The following C1orf87 variants were observed in gnomAD, a reference collection of about 807,000 sequenced individuals.
C1orf87 encodes chromosome 1 open reading frame 87.
In C1orf87, 58 loss-of-function variants were observed where a neutral mutation model predicts 60.5. That is an observed-to-expected ratio of 0.96 (90% confidence interval 0.78 to 1.19). The LOEUF (loss-of-function observed/expected upper bound fraction) is 1.19, where lower values mean the gene tolerates loss of function less well. Ranked by LOEUF, C1orf87 falls within the 50% of genes most tolerant of loss-of-function variation. C1orf87 has a pLI of 0.00. For missense variants in C1orf87, 673 were observed against 638.6 expected, an observed-to-expected ratio of 1.05 and a Z score of -0.58; for synonymous variants, 236 against 227.4, an observed-to-expected ratio of 1.04 and a Z score of -0.34.
At chr1:60,055,114 T>G in intron 3 of C1orf87, 90 bp downstream of exon 3, 1 of 1,133,990 alleles carries the variant, frequency 8.8e-7, no homozygotes, top group Non-Finnish European at 1.3e-6. Context: ...AATGAACATT[T>G]GTACAGTGTG....
At chr1:60,053,378 A>T (rs1271399617) in intron 3 of C1orf87, among the ~76,000 whole-genome samples, 2 of 152,170 alleles carry the variant, frequency 1.3e-5, no homozygotes, top group Admixed American at 1.3e-4. Flanking sequence ...CAGCTCCCTT[A>T]AACATGAACT....
chr1:60,047,542 T>C (rs1369655041), intron 3 of C1orf87, among the ~76,000 whole-genome samples: 2 of 152,204 alleles, frequency 1.3e-5, no homozygotes. Flanking sequence ...ATAATGCAGA[T>C]GCAAGGCTAC....
chr1:60,037,892 T>C (rs1287831412), intron 6 of C1orf87, 100 bp downstream of exon 6: 4 of 643,438 alleles, frequency 6.2e-6, no homozygotes, highest in Non-Finnish European at 1.0e-5. Flanking sequence ...CATACATTTA[T>C]ATTCTTTATA....
chr1:60,018,374 A>C (rs1019108647), intron 8 of C1orf87, among the ~76,000 whole-genome samples: 2 of 152,228 alleles, frequency 1.3e-5, no homozygotes, highest in African/African-American at 4.8e-5. Flanking sequence ...AGGTGAATAA[A>C]GAAATCTGTG....
intron 3 of C1orf87, among the ~76,000 whole-genome samples, chr1:60,051,067 AT>A (rs1645411074): frequency 6.6e-6 from 1 of 152,184 alleles, no homozygotes; most frequent in African/African-American, 2.4e-5. Context: ...AATTTTACCC[AT>A]AAAGAATAGC....
At chr1:60,041,714 G>A (rs1024908277) in intron 3 of C1orf87, among the ~76,000 whole-genome samples, 3 of 152,052 alleles carry the variant, frequency 2.0e-5, no homozygotes, top group African/African-American at 7.2e-5. Context: ...AAGAAGGTAG[G>A]CCTTGCTGGC....
At chr1:60,052,723 G>A (rs1234836364) in intron 3 of C1orf87, among the ~76,000 whole-genome samples, 1 of 152,202 alleles carries the variant, frequency 6.6e-6, no homozygotes, top group Admixed American at 6.5e-5. Flanking sequence ...TCCCAGGCAG[G>A]AAAGCTTATT....
intron 2 of C1orf87, among the ~76,000 whole-genome samples, chr1:60,066,684 T>C (rs1480082819): frequency 2.0e-5 from 3 of 149,942 alleles, no homozygotes; most frequent in Non-Finnish European, 4.5e-5. Flanking sequence ...CAAATGTTCT[T>C]TTTTTTTTTA....
chr1:59,997,607 A>G lies in C1orf87; in HGVS notation c.1480+2T>C, dbSNP rs1644972028. 5 of 1,613,540 alleles carry G rather than the reference A, an allele frequency of 3.1e-6. No individual in the cohort carries two copies. In the East Asian group the frequency reaches 1.1e-4, roughly 36 times the overall value. On this transcript the variant is annotated splice_donor_variant, in intron 11 of 11. Coordinates refer to ENST00000371201, the MANE Select transcript of C1orf87 (RefSeq NM_152377.3). LOFTEE classifies it high-confidence loss of function. ...ATGCCAGCTTTACAATTCATACTTC[A>G]CCTGTGTTACTCAGATCACACAGGT...
At chr1:60,010,630 T>A (rs1645076954) in intron 8 of C1orf87, among the ~76,000 whole-genome samples, 174 bp from the exon 9 acceptor site, 1 of 151,976 alleles carries the variant, frequency 6.6e-6, no homozygotes, top group African/African-American at 2.4e-5. Flanking sequence ...TAAAAAGGGC[T>A]TTGATATAGG....
intron 7 of C1orf87, among the ~76,000 whole-genome samples, chr1:60,031,233 A>G (rs1285302265): frequency 2.0e-5 from 3 of 152,162 alleles, no homozygotes; most frequent in Admixed American, 6.5e-5. Flanking sequence ...CTTGTTTCCA[A>G]TGTCCCTTGG....
chr1:60,045,569 A>G (rs573997306), intron 3 of C1orf87, among the ~76,000 whole-genome samples: 1 of 152,330 alleles, frequency 6.6e-6, no homozygotes, highest in African/African-American at 2.4e-5. Flanking sequence ...ATCAACTGAC[A>G]ATCTTATTTT....
At chr1:60,022,242 T>A (rs1007968565) in intron 8 of C1orf87, among the ~76,000 whole-genome samples, 4 of 151,776 alleles carry the variant, frequency 2.6e-5, no homozygotes, top group African/African-American at 9.7e-5. Context: ...AAACTAGGTA[T>A]AAGAGTAGAA....
At chr1:60,026,337 A>T (rs1301935296) in intron 7 of C1orf87, among the ~76,000 whole-genome samples, 1 of 152,210 alleles carries the variant, frequency 6.6e-6, no homozygotes, top group South Asian at 2.1e-4. Context: ...AAACAAGACT[A>T]GTACTTTCTA....
chr1:60,019,354 C>T (rs1484949906), intron 8 of C1orf87, among the ~76,000 whole-genome samples: 1 of 152,202 alleles, frequency 6.6e-6, no homozygotes, highest in Non-Finnish European at 1.5e-5. Flanking sequence ...ACTCAGCCAT[C>T]CTTCCTGTTA....
intron 8 of C1orf87, among the ~76,000 whole-genome samples, chr1:60,023,723 T>C (rs1574306513): frequency 1.3e-5 from 2 of 152,166 alleles, no homozygotes; most frequent in Admixed American, 1.3e-4. Flanking sequence ...TAATATTTCT[T>C]TTCTGTTCCA....
intron 6 of C1orf87, among the ~76,000 whole-genome samples, chr1:60,035,144 A>G (rs1324118249): frequency 6.6e-6 from 1 of 152,188 alleles, no homozygotes; most frequent in Non-Finnish European, 1.5e-5. Context: ...GTGGCAGAGG[A>G]GAATGCCAAC....
At chr1:60,023,064 C>T (rs966659013) in intron 8 of C1orf87, among the ~76,000 whole-genome samples, 3 of 152,042 alleles carry the variant, frequency 2.0e-5, no homozygotes, top group Admixed American at 2.0e-4. Context: ...AAAGTGAAAC[C>T]ACAGAAAGGG....
intron 7 of C1orf87, among the ~76,000 whole-genome samples, chr1:60,031,775 A>G (rs946873334): frequency 1.3e-5 from 2 of 152,176 alleles, no homozygotes; most frequent in African/African-American, 4.8e-5. Flanking sequence ...GTTTCATTCT[A>G]TGAGTATCAT....
Sources: allele counts gnomAD v4.1 joint callset (sites outside exome capture counted in the v4.1 genomes callset), GRCh38; gene constraint gnomAD v4.1.1; transcripts MANE v1.5; gene names NCBI Gene and HGNC (gene_info 2026-07-23, HGNC 2026-07-21).